The following CDYL2 variants were observed in gnomAD, a reference collection of about 807,000 sequenced individuals.
The protein encoded by CDYL2 is chromodomain Y-like protein 2.
In CDYL2, 23 loss-of-function variants were observed where a neutral mutation model predicts 49.4. The observed-to-expected ratio is 0.47, with a 90% CI of 0.34 to 0.66. The LOEUF is 0.66. Among genes scored for constraint, CDYL2 ranks in the 30% least tolerant of loss-of-function variants. The probability of loss-of-function intolerance (pLI) is 0.01; values close to 1 mark genes in which losing one functional copy is unlikely to be tolerated. For synonymous variants in CDYL2, 360 were observed against 268.8 expected, an observed-to-expected ratio of 1.34 and a Z score of -3.32; for missense variants, 678 against 656.4, an observed-to-expected ratio of 1.03 and a Z score of -0.36.
At chr16:80,711,306 A>G (rs1017563586) in intron 1 of CDYL2, among the ~76,000 whole-genome samples, 6 of 152,140 alleles carry the variant, frequency 3.9e-5, no homozygotes, top group African/African-American at 1.4e-4. Flanking sequence ...AATATAAAGT[A>G]CGTATCTTGA....
rs1021261582 is a variant in CDYL2 at position 80,601,784 on chromosome 16, C to T, written c.*2604G>A. 3 of 152,192 alleles carry T rather than the reference C, an allele frequency of 2.0e-5. No homozygotes were observed. The highest frequency in any genetic ancestry group is 7.2e-5 in the African/African-American group (3 of 41,452). 9.4% of individuals were successfully genotyped at this position (152,192 alleles called of 1,614,324 possible). On this transcript the variant is annotated 3_prime_UTR_variant, in exon 7 of 7. Coordinates refer to ENST00000570137, the MANE Select transcript of CDYL2 (RefSeq NM_152342.4). ...TGTATGGAAACAACCAAAATACAGACTTTCACCACCCCCGTTACACCCAGG... is the reference window on the plus strand; with the variant it reads ...TGTATGGAAACAACCAAAATACAGATTTTCACCACCCCCGTTACACCCAGG...
chr16:80,618,886 A>C (rs881083), intron 4 of CDYL2, among the ~76,000 whole-genome samples: 20,241 of 152,250 alleles, frequency 0.13, 1,520 homozygotes, highest in Admixed American at 0.22. Context: ...TGAGCTGCTA[A>C]TGATTTCCTT....
intron 1 of CDYL2, among the ~76,000 whole-genome samples, chr16:80,746,090 A>G (rs772208554): frequency 1.3e-5 from 2 of 152,148 alleles, no homozygotes; most frequent in Non-Finnish European, 2.9e-5. Context: ...ACCTCAGAAG[A>G]CTAGCTCTGT....
chr16:80,774,971 C>T (rs1907033617), intron 1 of CDYL2, among the ~76,000 whole-genome samples: 1 of 151,656 alleles, frequency 6.6e-6, no homozygotes, highest in South Asian at 2.1e-4. Context: ...ATTAAGAAAT[C>T]TGTGAATAGA....
intron 1 of CDYL2, among the ~76,000 whole-genome samples, chr16:80,788,783 C>T (rs779170743): frequency 2.0e-5 from 3 of 152,126 alleles, no homozygotes; most frequent in Non-Finnish European, 2.9e-5. Flanking sequence ...ATACCATACA[C>T]GTGGAGAATT....
intron 1 of CDYL2, among the ~76,000 whole-genome samples, chr16:80,723,969 G>C (rs927456929): frequency 2.7e-5 from 4 of 149,298 alleles, no homozygotes; most frequent in South Asian, 2.2e-4. Context: ...AGAAAGAGGA[G>C]GGAGAGAGAG....
chr16:80,626,838 A>C (rs553277309), intron 3 of CDYL2, among the ~76,000 whole-genome samples: 1 of 152,346 alleles, frequency 6.6e-6, no homozygotes, highest in Non-Finnish European at 1.5e-5. Flanking sequence ...TAGTAGTGCC[A>C]GGAATTGCAC....
intron 6 of CDYL2, among the ~76,000 whole-genome samples, chr16:80,604,870 C>T (rs1906262045): frequency 6.6e-6 from 1 of 152,210 alleles, no homozygotes; most frequent in Non-Finnish European, 1.5e-5. Flanking sequence ...GTGGGAGACA[C>T]TGTTTTAACC....
intron 1 of CDYL2, among the ~76,000 whole-genome samples, chr16:80,770,555 A>C (rs964993099): frequency 6.6e-6 from 1 of 151,736 alleles, no homozygotes; most frequent in Non-Finnish European, 1.5e-5. Context: ...CCTGCCCACA[A>C]AAAAAAATAG....
intron 1 of CDYL2, among the ~76,000 whole-genome samples, chr16:80,714,234 C>G (rs1031867919): frequency 6.6e-6 from 1 of 152,096 alleles, no homozygotes; most frequent in African/African-American, 2.4e-5. Flanking sequence ...ATCCCCTAAA[C>G]TGCAAGCTGG....
At chr16:80,627,322 G>A (rs1257793643) in intron 3 of CDYL2, among the ~76,000 whole-genome samples, 1 of 151,876 alleles carries the variant, frequency 6.6e-6, no homozygotes, top group Non-Finnish European at 1.5e-5. Flanking sequence ...GCTGTAAAGA[G>A]GTGAACTGAA....
At chr16:80,771,009 C>T (rs1294563585) in intron 1 of CDYL2, among the ~76,000 whole-genome samples, 1 of 152,210 alleles carries the variant, frequency 6.6e-6, no homozygotes, top group South Asian at 2.1e-4. Flanking sequence ...CCCCAAAAGG[C>T]TGCACTCTAG....
intron 1 of CDYL2, among the ~76,000 whole-genome samples, chr16:80,693,051 GC>G (rs1267552264): frequency 7.0e-6 from 1 of 143,510 alleles, no homozygotes; most frequent in African/African-American, 2.5e-5. Flanking sequence ...GAATGAAGGG[GC>G]CAGACTCAGA....
intron 1 of CDYL2, among the ~76,000 whole-genome samples, chr16:80,709,629 C>T (rs548628948): frequency 1.1e-4 from 17 of 151,830 alleles, no homozygotes; most frequent in African/African-American, 4.1e-4. Flanking sequence ...CCCAGTTCAC[C>T]AAGCGAGTGT....
At chr16:80,780,374 A>G (rs928094824) in intron 1 of CDYL2, among the ~76,000 whole-genome samples, 12 of 151,850 alleles carry the variant, frequency 7.9e-5, no homozygotes, top group Non-Finnish European at 8.8e-5. Flanking sequence ...GTACATGAGG[A>G]AAATGATACA....
At chr16:80,667,880 G>A (rs1909333502) in intron 2 of CDYL2, among the ~76,000 whole-genome samples, 1 of 152,222 alleles carries the variant, frequency 6.6e-6, no homozygotes, top group East Asian at 1.9e-4. Context: ...CTGGCCCACA[G>A]AGGCTGGGTC....
rs780235911 is a variant in CDYL2 at position 80,612,874 on chromosome 16, T to C, written c.1008-38A>G. The C allele has an allele frequency of 1.6e-5, 24 of 1,548,050 alleles. No individual in the cohort carries two copies. Among genetic ancestry groups the C allele is most frequent in the East Asian group, 2.3e-5 (1 of 43,918 alleles). On this transcript the variant is annotated intron_variant, in intron 4 of 6. Coordinates refer to ENST00000570137, the MANE Select transcript of CDYL2 (RefSeq NM_152342.4). This position sits in a 1 kb window ranked among gnomAD's most constrained non-coding sequence, Gnocchi z 5.0. ...GAAGATCCTCTTGAACAGGTGACTA[T>C]AGCATGCTAAGCCCCACTGGAACCC...
chr16:80,656,697 C>T (rs543851283), intron 2 of CDYL2, among the ~76,000 whole-genome samples: 9 of 152,186 alleles, frequency 5.9e-5, no homozygotes, highest in South Asian at 4.1e-4. Flanking sequence ...CATACAGAAG[C>T]GACAGATAAA....
At chr16:80,712,408 A>G (rs1488749860) in intron 1 of CDYL2, among the ~76,000 whole-genome samples, 1 of 151,768 alleles carries the variant, frequency 6.6e-6, no homozygotes. Flanking sequence ...CTATTCGTCA[A>G]TGTCACAACA....
Sources: allele counts gnomAD v4.1 joint callset (sites outside exome capture counted in the v4.1 genomes callset), GRCh38; gene constraint gnomAD v4.1.1; non-coding constraint Gnocchi (gnomAD v3.1); transcripts MANE v1.5; gene names NCBI Gene and HGNC (gene_info 2026-07-23, HGNC 2026-07-21).